The following LTBP1 variants were observed in gnomAD, a reference collection of about 807,000 sequenced individuals.
LTBP1 encodes the protein latent-transforming growth factor beta-binding protein 1.
Under a neutral mutation model 207.6 loss-of-function variants are expected in LTBP1, and 129 were observed. That is an observed-to-expected ratio of 0.62 (90% confidence interval 0.54 to 0.72). The LOEUF is 0.72. Among genes scored for constraint, LTBP1 ranks in the 30% least tolerant of loss-of-function variants. The probability of loss-of-function intolerance (pLI) is 0.00; values close to 1 mark genes in which losing one functional copy is unlikely to be tolerated. For synonymous variants in LTBP1, 963 were observed against 833.7 expected, an observed-to-expected ratio of 1.16 and a Z score of -2.67; for missense variants, 2,281 against 2,217.2, an observed-to-expected ratio of 1.03 and a Z score of -0.58.
At chr2:33,201,563 G>T (rs1254808387) in intron 7 of LTBP1, among the ~76,000 whole-genome samples, 1 of 151,508 alleles carries the variant, frequency 6.6e-6, no homozygotes, top group Non-Finnish European at 1.5e-5. Flanking sequence ...CACCAGCATG[G>T]CACATGTATA....
At chr2:33,212,483 C>T (rs2090386290) in intron 7 of LTBP1, among the ~76,000 whole-genome samples, 1 of 152,116 alleles carries the variant, frequency 6.6e-6, no homozygotes. Context: ...ACTTGTATTT[C>T]CTAGATGGGA....
rs1399143568 is a variant in LTBP1 at position 32,947,606 on chromosome 2, C to A, written c.282C>A (p.Ala94=). ...GCACGAGCAAGCCGGGCGGCGCGGC[C>A]CTGCAGGGGCTCAGACCGCCGCCGC... is the stretch of plus-strand genomic sequence containing the variant. ...TRRTSKPGGA[A]LQGLRPPPPP... Residue 94 remains alanine (A), a synonymous_variant, in exon 1 of 34, where the codon GCC becomes GCA. Coordinates refer to ENST00000404816, the MANE Select transcript of LTBP1 (RefSeq NM_206943.4). 1.5e-6 allele frequency: 2 copies of A among 1,326,388 alleles called. No homozygotes were observed. The highest frequency in any genetic ancestry group is 2.1e-5 in the South Asian group (1 of 48,758). 82.2% of individuals were successfully genotyped at this position (1,326,388 alleles called of 1,614,324 possible). A position where few individuals can be genotyped will look rare whatever the true frequency, so the allele number is the denominator to read the frequency against.
At chr2:33,105,780 A>C (rs1256614476) in intron 3 of LTBP1, among the ~76,000 whole-genome samples, 2 of 152,094 alleles carry the variant, frequency 1.3e-5, no homozygotes, top group Non-Finnish European at 2.9e-5. Context: ...CTGCTGAGTG[A>C]TCAAGGTGGT....
At chr2:33,270,530 C>T (rs914090728) in intron 15 of LTBP1, among the ~76,000 whole-genome samples, 2 of 143,962 alleles carry the variant, frequency 1.4e-5, no homozygotes, top group Admixed American at 7.4e-5. Flanking sequence ...GCAGAGCTTG[C>T]ACTGAGCCGA....
chr2:32,991,846 C>G (rs566376996), intron 2 of LTBP1, among the ~76,000 whole-genome samples: 1 of 152,248 alleles, frequency 6.6e-6, no homozygotes, highest in East Asian at 1.9e-4. Context: ...AAAACTCACT[C>G]CCTCATGACC....
chr2:33,367,725 A>G (rs1231521419), intron 31 of LTBP1, among the ~76,000 whole-genome samples: 1 of 152,084 alleles, frequency 6.6e-6, no homozygotes, highest in Non-Finnish European at 1.5e-5. Flanking sequence ...GGATAAAGAA[A>G]TTTTCTTACT....
At chr2:33,291,463 C>G (rs1289349119) in intron 19 of LTBP1, 1 of 152,194 alleles carries the variant, frequency 6.6e-6, no homozygotes, top group Non-Finnish European at 1.5e-5. Flanking sequence ...ATTTCTATGC[C>G]TGGTGTCTAG....
chr2:33,109,284 C>T (rs2080250607), intron 3 of LTBP1, among the ~76,000 whole-genome samples: 1 of 152,214 alleles, frequency 6.6e-6, no homozygotes. Flanking sequence ...TTTGCACTGA[C>T]TGCCATGGCG....
At chr2:33,212,324 C>A (rs1331252458) in intron 7 of LTBP1, among the ~76,000 whole-genome samples, 1 of 152,146 alleles carries the variant, frequency 6.6e-6, no homozygotes, top group Non-Finnish European at 1.5e-5. Flanking sequence ...GTTAGAGGCC[C>A]AGGCAGCATG....
intron 31 of LTBP1, among the ~76,000 whole-genome samples, chr2:33,388,094 C>T (rs1270617496): frequency 6.6e-6 from 1 of 152,308 alleles, no homozygotes; most frequent in African/African-American, 2.4e-5. Context: ...CCTAGACCTT[C>T]TCAATAACTC....
chr2:33,205,648 C>T (rs1429216603), intron 7 of LTBP1, among the ~76,000 whole-genome samples: 3 of 152,172 alleles, frequency 2.0e-5, no homozygotes, highest in South Asian at 4.1e-4. Context: ...CATTCCCTTT[C>T]CCATAGCCCC....
chr2:33,320,720 C>T (rs975193792), intron 24 of LTBP1, among the ~76,000 whole-genome samples: 44 of 152,118 alleles, frequency 2.9e-4, no homozygotes, highest in African/African-American at 1.1e-3. Flanking sequence ...AGATAAAGTA[C>T]AACGCCAAGA....
intron 11 of LTBP1, among the ~76,000 whole-genome samples, chr2:33,254,127 C>T (rs979846499): frequency 2.0e-5 from 3 of 151,900 alleles, no homozygotes; most frequent in South Asian, 2.1e-4. Flanking sequence ...CGTGGTCTGC[C>T]GGCCTCAGCC....
chr2:32,970,313 G>T (rs1461879379), intron 2 of LTBP1, among the ~76,000 whole-genome samples: 1 of 151,954 alleles, frequency 6.6e-6, no homozygotes, highest in Non-Finnish European at 1.5e-5. Context: ...ATTTCCCTTT[G>T]GCATCTTTGT....
intron 23 of LTBP1, among the ~76,000 whole-genome samples, chr2:33,311,610 C>A (rs951737781): frequency 1.3e-5 from 2 of 148,494 alleles, no homozygotes; most frequent in Non-Finnish European, 3.0e-5. Context: ...AGTATATTTT[C>A]TTTTCTAATT....
chr2:33,208,865 A>ATT (rs3053310), intron 7 of LTBP1, among the ~76,000 whole-genome samples: 20,967 of 112,920 alleles, frequency 0.19, 3,078 homozygotes, highest in Non-Finnish European at 0.27. Flanking sequence ...TCTTGCTACT[A>ATT]TTTTTTTTTT....
chr2:33,308,625 A>C (rs2094135030), intron 22 of LTBP1, among the ~76,000 whole-genome samples: 1 of 152,204 alleles, frequency 6.6e-6, no homozygotes, highest in African/African-American at 2.4e-5. Flanking sequence ...TTTGTCAGAT[A>C]ATTATATTTT....
intron 3 of LTBP1, among the ~76,000 whole-genome samples, chr2:33,051,011 C>T (rs1259461125): frequency 6.6e-6 from 1 of 152,176 alleles, no homozygotes; most frequent in Non-Finnish European, 1.5e-5. Context: ...GTGTGAGCCA[C>T]CGCGCCCGGC....
chr2:33,182,258 G>C, intron 5 of LTBP1, among the ~76,000 whole-genome samples: 1 of 152,008 alleles, frequency 6.6e-6, no homozygotes, highest in Non-Finnish European at 1.5e-5. Context: ...TTATCTCAGG[G>C]GGTTAGAGGT....
Sources: gnomAD v4.1 joint callset for allele counts (sites outside exome capture counted in the v4.1 genomes callset) on GRCh38, gnomAD v4.1.1 for gene constraint, MANE v1.5 for transcripts, NCBI Gene and HGNC (gene_info 2026-07-23, HGNC 2026-07-21) for gene names.